Variants in RNF111 observed in about 807,000 individuals in gnomAD.
The protein encoded by RNF111 is ring finger protein 111, also known as E3 ubiquitin-protein ligase Arkadia.
In RNF111, 17 loss-of-function variants were observed where a neutral mutation model predicts 95.1. The observed-to-expected ratio is 0.18, with a 90% confidence interval of 0.12 to 0.27. RNF111 has a LOEUF of 0.27. Among genes scored for constraint, RNF111 ranks in the 10% least tolerant of loss-of-function variants. RNF111 has a pLI of 1.00. For synonymous variants in RNF111, 440 were observed against 414.8 expected (o/e 1.06, Z -0.74); for missense variants, 1,189 against 1,210.4 (o/e 0.98, Z 0.26).
intron 1 of RNF111, among the ~76,000 whole-genome samples, chr15:59,022,619 T>A (rs775109570): frequency 6.6e-6 from 1 of 152,258 alleles, no homozygotes; most frequent in Non-Finnish European, 1.5e-5. Flanking sequence ...TGTGGATATC[T>A]GTTAAGGTTA....
At chr15:58,996,431 A>G (rs2039073844) in intron 1 of RNF111, among the ~76,000 whole-genome samples, 1 of 151,640 alleles carries the variant, frequency 6.6e-6, no homozygotes, top group Non-Finnish European at 1.5e-5. Context: ...AAAAAAAAAA[A>G]GTAGCCAAGT....
rs751882215 is a variant in RNF111, at chr15:59,089,693, C to T, written c.2577C>T (p.His859=). 6 of 1,613,580 alleles carry T rather than the reference C, an allele frequency of 3.7e-6. No homozygotes were observed. In the Admixed American group the frequency reaches 1.0e-4, roughly 27 times the overall value. ...LMVPDMAGYP[H]IRYISSGLDG... Reference sequence around the variant, plus strand: ...TTCCTGATATGGCAGGCTATCCTCACATCCGTTACATTTCATCAGGATTGG... The same window carrying T: ...TTCCTGATATGGCAGGCTATCCTCATATCCGTTACATTTCATCAGGATTGG... The change falls in exon 11 of 14, where the codon CAC becomes CAT. Residue 859 remains histidine (H), a synonymous_variant. Transcript: ENST00000348370.
In RNF111 at chr15:59,080,989, C is replaced by T; in HGVS notation, c.2002C>T (p.His668Tyr). ...HHQASACPHSHGNPPPQTQPP... is the reference protein window; with the variant it reads ...HHQASACPHSYGNPPPQTQPP... The stretch of plus-strand genomic sequence containing the variant: ...TCAAGCTTCTGCCTGCCCGCATTCT[C>T]ATGGAAACCCCCCTCCTCAGACTCA... The change falls in exon 8 of 14, where the codon CAT (histidine) becomes TAT (tyrosine). Residue 668 changes from histidine to tyrosine, a missense_variant. Coordinates refer to ENST00000348370, the MANE Select transcript of RNF111 (RefSeq NM_017610.8). 1 of 1,614,064 alleles carries T rather than the reference C, an allele frequency of 6.2e-7. No individual in the cohort carries two copies. The highest frequency in any genetic ancestry group is 8.5e-7 in the Non-Finnish European group (1 of 1,179,972).
intron 1 of RNF111, among the ~76,000 whole-genome samples, chr15:58,994,099 C>G (rs1437010183): frequency 6.9e-6 from 1 of 145,126 alleles, no homozygotes; most frequent in Non-Finnish European, 1.5e-5. Flanking sequence ...GTGCAGTGGC[C>G]CCATCTTGGC....
Position 59,075,870 on chromosome 15 carries a change from G to T in RNF111, c.1687-84G>T. 1.3e-5 allele frequency: 18 copies of T among 1,408,650 alleles called. No individual in the cohort carries two copies. In the Admixed American group the frequency reaches 1.7e-4, roughly 13 times the overall value. The allele number at this position is 1,408,650 out of a possible 1,614,324, so 87.3% of individuals were successfully genotyped here. A position where few individuals can be genotyped will look rare whatever the true frequency, so the allele number is the denominator to read the frequency against. Reference sequence around the variant, plus strand: ...CTAATTTAAAGATTATGTTTTTTTGGTTATATTAGGAATACTTTTATAATA... The same window carrying T: ...CTAATTTAAAGATTATGTTTTTTTGTTTATATTAGGAATACTTTTATAATA... On this transcript the variant is annotated intron_variant, in intron 6 of 13. Coordinates refer to ENST00000348370, the MANE Select transcript of RNF111 (RefSeq NM_017610.8).
intron 6 of RNF111, among the ~76,000 whole-genome samples, chr15:59,070,029 C>CCCCTTTTTTTTT (rs2042842652): frequency 4.4e-5 from 1 of 22,678 alleles, no homozygotes; most frequent in African/African-American, 2.3e-4. Context: ...CCACCTCCTG[C>CCCCTTTTTTTTT]TTTTTTTTTT....
chr15:59,038,185 A>G (rs2041274719), intron 2 of RNF111, among the ~76,000 whole-genome samples: 1 of 152,204 alleles, frequency 6.6e-6, no homozygotes. Context: ...TTTTGAGAGC[A>G]TAGGATCCTC....
intron 2 of RNF111, among the ~76,000 whole-genome samples, chr15:59,035,175 C>T (rs1421276940): frequency 6.6e-6 from 1 of 152,164 alleles, no homozygotes; most frequent in African/African-American, 2.4e-5. Context: ...GAAACTGCCC[C>T]CATGAATTAT....
intron 5 of RNF111, chr15:59,058,780 G>C (rs1481579400): frequency 1.4e-5 from 6 of 441,610 alleles, no homozygotes; most frequent in Non-Finnish European, 1.2e-5. Flanking sequence ...AGAGCTTGGG[G>C]AGAAGCAAAT....
At chr15:59,001,585 G>T (rs1212326498) in intron 1 of RNF111, among the ~76,000 whole-genome samples, 2 of 152,118 alleles carry the variant, frequency 1.3e-5, no homozygotes, top group Non-Finnish European at 2.9e-5. Context: ...TAGTGACATG[G>T]AAATGGGCTC....
intron 1 of RNF111, among the ~76,000 whole-genome samples, chr15:59,010,574 A>G (rs2039753458): frequency 6.6e-6 from 1 of 151,712 alleles, no homozygotes; most frequent in Non-Finnish European, 1.5e-5. Flanking sequence ...ACTAATTTTT[A>G]TATTTTTAGT....
At chr15:59,064,396 C>A (rs1354579110) in intron 5 of RNF111, among the ~76,000 whole-genome samples, 3 of 151,748 alleles carry the variant, frequency 2.0e-5, no homozygotes, top group African/African-American at 7.3e-5. Context: ...ATTAGCCGGG[C>A]TTGGTGGCGG....
Position 59,030,005 on chromosome 15 carries a change from C to T in RNF111, c.-19-799C>T, listed in dbSNP as rs74431474. ...TTTTGAGTCATGATATTTACTATTACATTATTTTCATATGTACATTGCATT... is the reference window on the plus strand; with the variant it reads ...TTTTGAGTCATGATATTTACTATTATATTATTTTCATATGTACATTGCATT... On this transcript the variant is annotated intron_variant, in intron 1 of 13. Transcript: ENST00000348370. Among the ~76,000 whole-genome samples the T allele has an allele frequency of 2.2e-4, 33 of 152,286 alleles. No individual in the cohort carries two copies. The East Asian group carries it at 6.4e-3, about 29-fold the overall frequency.
chr15:59,014,986 C>T (rs534342643), intron 1 of RNF111, among the ~76,000 whole-genome samples: 93 of 152,260 alleles, frequency 6.1e-4, no homozygotes, highest in Middle Eastern at 3.4e-3. Flanking sequence ...TGGCCTCAGG[C>T]CATCTGCCTG....
At chr15:59,066,272 AG>A (rs2042651158) in intron 5 of RNF111, among the ~76,000 whole-genome samples, 1 of 152,220 alleles carries the variant, frequency 6.6e-6, no homozygotes, top group Admixed American at 6.5e-5. Context: ...GGAAAATCCC[AG>A]TGAAGACCAC....
intron 11 of RNF111, 129 bp downstream of exon 11, chr15:59,089,888 T>C: frequency 1.7e-6 from 1 of 598,312 alleles, no homozygotes; most frequent in East Asian, 2.6e-5. Context: ...TTTCTGATGT[T>C]GCTTCTGGGA....
intron 2 of RNF111, among the ~76,000 whole-genome samples, chr15:59,038,380 G>A (rs1283452958): frequency 1.3e-5 from 2 of 152,056 alleles, no homozygotes; most frequent in Non-Finnish European, 2.9e-5. Context: ...TTTTTTAAAA[G>A]TTTGCTTAAA....
At chr15:59,013,750 A>G (rs1246769725) in intron 1 of RNF111, among the ~76,000 whole-genome samples, 1 of 152,118 alleles carries the variant, frequency 6.6e-6, no homozygotes, top group East Asian at 1.9e-4. Flanking sequence ...TCTGTAAGGA[A>G]GATTTATTTA....
intron 1 of RNF111, among the ~76,000 whole-genome samples, chr15:59,008,790 T>G (rs760329795): frequency 6.6e-6 from 1 of 152,008 alleles, no homozygotes; most frequent in Non-Finnish European, 1.5e-5. Context: ...GCTTATACTT[T>G]AAAAAAAATC....
Sources: allele counts gnomAD v4.1 joint callset (sites outside exome capture counted in the v4.1 genomes callset), GRCh38; gene constraint gnomAD v4.1.1; transcripts MANE v1.5; gene names NCBI Gene and HGNC (gene_info 2026-07-23, HGNC 2026-07-21).